The following MCF2L variants were observed in gnomAD, a reference collection of about 807,000 sequenced individuals.
MCF2L encodes guanine nucleotide exchange factor DBS.
In MCF2L, 97 loss-of-function variants were observed where a neutral mutation model predicts 153.4. The observed-to-expected ratio is 0.63, with a 90% confidence interval of 0.54 to 0.75. The LOEUF is 0.75. Among genes scored for constraint, MCF2L ranks in the 30% least tolerant of loss-of-function variants. The pLI is 0.00. For synonymous variants in MCF2L, 659 were observed against 632.2 expected, an observed-to-expected ratio of 1.04 and a Z score of -0.64; for missense variants, 1,347 against 1,495.2, an observed-to-expected ratio of 0.90 and a Z score of 1.64.
chr13:112,926,393 G>A (rs912390592), intron 2 of MCF2L, among the ~76,000 whole-genome samples: 3 of 151,376 alleles, frequency 2.0e-5, no homozygotes, highest in East Asian at 1.9e-4. Context: ...AGTGCAGTAC[G>A]GCCTGGTCTA....
At chr13:113,055,772 A>C (rs1473967111) in intron 4 of MCF2L, among the ~76,000 whole-genome samples, 6 of 152,216 alleles carry the variant, frequency 3.9e-5, no homozygotes, top group African/African-American at 1.4e-4. Flanking sequence ...CCGTCACAGC[A>C]TCTTACCCAC....
chr13:112,993,340 TC>T lies in MCF2L; in HGVS notation c.80-21422del, dbSNP rs2082970097. ...GGGCAGTAGGGGCCGACCTGAGGGC[TC>T]TGGGGTCAACACCGGTCCAGGAATT... On this transcript the variant is annotated intron_variant, in intron 1 of 29. Transcript: ENST00000535094. The surrounding 1 kb of genome is among the most constrained non-coding windows in gnomAD (Gnocchi z 4.6). 9.2e-5 allele frequency among the ~76,000 whole-genome samples: 14 copies of T among 152,180 alleles called. No homozygotes were observed. The highest frequency in any genetic ancestry group is 9.2e-4 in the Admixed American group (14 of 15,274).
At chr13:113,095,535 G>T in intron 27 of MCF2L, 13 of 1,029,628 alleles carry the variant, frequency 1.3e-5, no homozygotes, top group Non-Finnish European at 1.5e-5. Context: ...GCTACTCTGG[G>T]CACCACAGAG....
At chr13:113,048,244 T>C (rs1485984031) in intron 4 of MCF2L, among the ~76,000 whole-genome samples, 1 of 152,202 alleles carries the variant, frequency 6.6e-6, no homozygotes, top group African/African-American at 2.4e-5. Context: ...GCATCATAAC[T>C]GAACAGTTAG....
chr13:112,966,945 G>A (rs957549456), upstream of MCF2L, among the ~76,000 whole-genome samples: 12 of 152,204 alleles, frequency 7.9e-5, no homozygotes, highest in African/African-American at 1.7e-4. The surrounding 1 kb of genome is among the most constrained non-coding windows in gnomAD (Gnocchi z 4.1). Flanking sequence ...AGCTTAACAA[G>A]TCCTCGGTAG....
At chr13:112,897,855 G>A (rs1038357567) in intron 1 of MCF2L, among the ~76,000 whole-genome samples, 1 of 152,318 alleles carries the variant, frequency 6.6e-6, no homozygotes, top group East Asian at 1.9e-4. Flanking sequence ...CTGGCAGTGG[G>A]GACTGGAGTG....
At chr13:113,065,288 A>C in intron 7 of MCF2L, 1 of 600,738 alleles carries the variant, frequency 1.7e-6, no homozygotes, top group South Asian at 2.0e-5. Context: ...AACGGAATAA[A>C]AGGAGTGTAA....
rs1186876543 is a variant in MCF2L, at chr13:112,932,077, T to G, written c.169+29706T>G. On this transcript the variant is annotated intron_variant, in intron 2 of 29. Coordinates refer to the MCF2L transcript ENST00000375608. This position sits in a 1 kb window ranked among gnomAD's most constrained non-coding sequence, Gnocchi z 4.6. ...GGAGCTCAGAACCCTACTTCCTGAG[T>G]GTGGGATGTGCGCAGCTATGTGGTT... Among the ~76,000 whole-genome samples the G allele has an allele frequency of 6.6e-6, 1 of 151,952 alleles. No individual in the cohort carries two copies. The highest frequency in any genetic ancestry group is 2.4e-5 in the African/African-American group (1 of 41,352).
chr13:112,928,038 A>G (rs2081425513), intron 2 of MCF2L, among the ~76,000 whole-genome samples: 1 of 152,218 alleles, frequency 6.6e-6, no homozygotes. Flanking sequence ...TTAATTCTGA[A>G]TAATTATTAA....
chr13:113,090,130 C>T (rs1480496248), intron 26 of MCF2L: 2 of 1,544,866 alleles, frequency 1.3e-6, no homozygotes, highest in South Asian at 1.2e-5. Flanking sequence ...CTTTACCCTG[C>T]AGGGTTTTGC....
At chr13:113,016,203 C>T (rs2084503951) in intron 2 of MCF2L, among the ~76,000 whole-genome samples, 1 of 152,206 alleles carries the variant, frequency 6.6e-6, no homozygotes, top group Non-Finnish European at 1.5e-5. Flanking sequence ...TAAGATCTTC[C>T]TTGGTGGGCT....
At chr13:112,946,024 C>G (rs554034123) in intron 2 of MCF2L, among the ~76,000 whole-genome samples, 20 of 152,108 alleles carry the variant, frequency 1.3e-4, no homozygotes, top group Admixed American at 8.5e-4. Context: ...AGCCCGGGCT[C>G]TTCTGGGGTA....
At chr13:112,970,648 C>T (rs963673224) in intron 1 of MCF2L, among the ~76,000 whole-genome samples, 2 of 152,014 alleles carry the variant, frequency 1.3e-5, no homozygotes, top group Non-Finnish European at 2.9e-5. Flanking sequence ...GAGGAGAAAG[C>T]CCCCCTTGCT....
chr13:112,982,143 T>C (rs2082455874), intron 1 of MCF2L, among the ~76,000 whole-genome samples: 1 of 152,062 alleles, frequency 6.6e-6, no homozygotes, highest in South Asian at 2.1e-4. Context: ...GGACAAGAGC[T>C]CAGGAGCTTT....
rs1257769224 is a variant in MCF2L at position 113,070,564 on chromosome 13, C to T, written c.996+391C>T. Reference sequence around the variant, plus strand: ...CACAGTCATGAGGTGCACAGCGACACGGCCAGTGCAGCCAGACCCAGACGT... The same window carrying T: ...CACAGTCATGAGGTGCACAGCGACATGGCCAGTGCAGCCAGACCCAGACGT... On this transcript the variant is annotated intron_variant, in intron 9 of 29. Coordinates refer to ENST00000535094, the MANE Select transcript of MCF2L (RefSeq NM_001112732.3). This position sits in a 1 kb window ranked among gnomAD's most constrained non-coding sequence, Gnocchi z 5.6. Among the ~76,000 whole-genome samples, 7 of 152,206 alleles carry T rather than the reference C, an allele frequency of 4.6e-5. No individual in the cohort carries two copies. Among genetic ancestry groups the T allele is most frequent in the African/African-American group, 9.7e-5 (4 of 41,450 alleles).
At position 113,081,224 on chromosome 13, in the gene MCF2L, G is replaced by A. The variant is rs773432986; in HGVS notation, c.1820G>A (p.Ser607Asn). The A allele has an allele frequency of 6.3e-7, 1 of 1,587,724 alleles. No individual in the cohort carries two copies. Among genetic ancestry groups the A allele is most frequent in the Non-Finnish European group, 8.6e-7 (1 of 1,167,758 alleles). ...SLAILRRHVM[S>N]ELLDTERAYV... ...TGACCTGCCACCAGGCACGTGATGA[G>A]CGAGCTCCTGGACACAGAACGGGCC... is the stretch of plus-strand genomic sequence containing the variant. The change falls in exon 16 of 30, where the codon AGC becomes AAC. Residue 607 changes from serine to asparagine, a missense_variant. This residue lies in a region of MCF2L where 820 missense variants were observed against 921.2 expected (regional missense o/e 0.89). Transcript: ENST00000535094.
intron 1 of MCF2L, among the ~76,000 whole-genome samples, chr13:112,972,836 GATGGATGA>G (rs2082096578): frequency 1.3e-5 from 2 of 148,556 alleles, no homozygotes; most frequent in Non-Finnish European, 3.0e-5. Context: ...AAGGTGGATG[GATGGATGA>G]ATGGATGGAT....
chr13:113,079,279 C>G (rs1021461147), intron 15 of MCF2L, among the ~76,000 whole-genome samples: 1 of 152,186 alleles, frequency 6.6e-6, no homozygotes, highest in Non-Finnish European at 1.5e-5. Flanking sequence ...GAAAGAAAGA[C>G]CTCACTGGTG....
chr13:113,029,028 C>G (rs1291797571), intron 3 of MCF2L, among the ~76,000 whole-genome samples: 1 of 152,054 alleles, frequency 6.6e-6, no homozygotes, highest in African/African-American at 2.4e-5. Flanking sequence ...TGCGTGCATT[C>G]TACCCACGTT....
Sources: allele counts gnomAD v4.1 joint callset (sites outside exome capture counted in the v4.1 genomes callset), GRCh38; gene constraint gnomAD v4.1.1; regional missense constraint gnomAD v4.1.1; non-coding constraint Gnocchi (gnomAD v3.1); transcripts MANE v1.5; gene names NCBI Gene and HGNC (gene_info 2026-07-23, HGNC 2026-07-21).